Variants in MAP2 observed in about 807,000 individuals in gnomAD.
MAP2 encodes the protein microtubule associated protein 2.
MAP2 carries 14 observed loss-of-function variants against 137.6 expected under a neutral mutation model. The observed-to-expected ratio is 0.10, with a 90% confidence interval of 0.07 to 0.16. MAP2 has a LOEUF of 0.16. Ranked by LOEUF, MAP2 falls within the 10% of genes least tolerant of loss-of-function variation. The pLI, the probability that MAP2 is intolerant of heterozygous loss-of-function variation, is 1.00. For missense variants in MAP2, 2,088 were observed against 2,191.5 expected (o/e 0.95, Z 0.94); for synonymous variants, 786 against 782.3 (o/e 1.00, Z -0.08).
chr2:209,697,973 G>A lies in MAP2; in HGVS notation c.4522+922G>A, dbSNP rs34534060. 0.015 allele frequency among the ~76,000 whole-genome samples: 2,288 copies of A among 151,542 alleles called. 124 individuals are homozygous for A. In the South Asian group the frequency reaches 0.21, roughly 14 times the overall value. On this transcript the variant is annotated intron_variant, in intron 10 of 15. Transcript: ENST00000682079. Reference sequence around the variant, plus strand: ...AAGCAGTTCTTCTGCCTCAGCCTCCGGAGTAGCTGGGATTACAGGCGTGCA... The same window carrying A: ...AAGCAGTTCTTCTGCCTCAGCCTCCAGAGTAGCTGGGATTACAGGCGTGCA...
At chr2:209,526,014 T>A (rs572470953) in intron 2 of MAP2, among the ~76,000 whole-genome samples, 2 of 152,280 alleles carry the variant, frequency 1.3e-5, no homozygotes, top group South Asian at 4.1e-4. Context: ...TTTTGTGTTT[T>A]TCATTTTGTC....
intron 3 of MAP2, among the ~76,000 whole-genome samples, chr2:209,593,985 C>T (rs1452074285): frequency 7.8e-6 from 1 of 127,522 alleles, no homozygotes; most frequent in Non-Finnish European, 1.7e-5. Context: ...TATATATATA[C>T]ACACACACAC....
intron 7 of MAP2, among the ~76,000 whole-genome samples, chr2:209,687,041 A>G (rs148414890): frequency 6.6e-6 from 1 of 151,912 alleles, no homozygotes; most frequent in Non-Finnish European, 1.5e-5. Flanking sequence ...TCTAGGTACT[A>G]CATTAGCCTT....
intron 5 of MAP2, among the ~76,000 whole-genome samples, chr2:209,671,907 T>A (rs1336201791): frequency 1.3e-5 from 2 of 151,896 alleles, no homozygotes; most frequent in Non-Finnish European, 2.9e-5. Context: ...CAATGTTACA[T>A]ATCACTCAGA....
chr2:209,433,331 G>A (rs1381653414), intron 1 of MAP2, among the ~76,000 whole-genome samples: 1 of 152,060 alleles, frequency 6.6e-6, no homozygotes, highest in Non-Finnish European at 1.5e-5. Context: ...GTAGTACCCG[G>A]AGGAAAAGCT....
intron 2 of MAP2, among the ~76,000 whole-genome samples, chr2:209,528,901 TAC>T (rs529322609): frequency 2.8e-4 from 42 of 150,934 alleles, no homozygotes; most frequent in Admixed American, 2.0e-3. Context: ...TACATATATA[TAC>T]ACACATATAT....
chr2:209,459,732 T>A (rs1340254675), intron 1 of MAP2, among the ~76,000 whole-genome samples: 1 of 152,256 alleles, frequency 6.6e-6, no homozygotes, highest in African/African-American at 2.4e-5. Flanking sequence ...TGATGTGCAC[T>A]GCCTACCAGG....
chr2:209,610,508 G>T (rs555412236), intron 3 of MAP2, among the ~76,000 whole-genome samples: 50 of 151,646 alleles, frequency 3.3e-4, no homozygotes, highest in African/African-American at 1.2e-3. Flanking sequence ...TGGATGATAC[G>T]TTATCTTTTC....
At chr2:209,603,090 A>C (rs1361595430) in intron 3 of MAP2, among the ~76,000 whole-genome samples, 1 of 152,162 alleles carries the variant, frequency 6.6e-6, no homozygotes, top group Non-Finnish European at 1.5e-5. Context: ...GTGCACAGCC[A>C]TGTTTTCATT....
At chr2:209,429,251 C>T (rs1468269715) in intron 1 of MAP2, among the ~76,000 whole-genome samples, 1 of 152,260 alleles carries the variant, frequency 6.6e-6, no homozygotes, top group Middle Eastern at 3.4e-3. Context: ...CCGTGCCCGG[C>T]AATTACTTTA....
At chr2:209,437,060 A>C (rs1345249400) in intron 1 of MAP2, among the ~76,000 whole-genome samples, 1 of 151,718 alleles carries the variant, frequency 6.6e-6, no homozygotes, top group Non-Finnish European at 1.5e-5. Context: ...CTATCAAATT[A>C]GGACAGATTG....
intron 2 of MAP2, among the ~76,000 whole-genome samples, chr2:209,511,498 G>A (rs2061712672): frequency 6.6e-6 from 1 of 152,242 alleles, no homozygotes; most frequent in East Asian, 1.9e-4. Flanking sequence ...TGGTGGCATT[G>A]GTTGAAGCAC....
At chr2:209,497,262 C>T (rs993059038) in intron 1 of MAP2, among the ~76,000 whole-genome samples, 2 of 152,144 alleles carry the variant, frequency 1.3e-5, no homozygotes, top group Non-Finnish European at 2.9e-5. Flanking sequence ...TTGGTGGCCT[C>T]ATAAGAAGAG....
chr2:209,585,284 C>G (rs1579217304), intron 3 of MAP2, among the ~76,000 whole-genome samples: 1 of 148,780 alleles, frequency 6.7e-6, no homozygotes, highest in South Asian at 2.1e-4. Flanking sequence ...AAGAAGAGGA[C>G]AGGGAAGGTT....
chr2:209,463,142 G>T (rs1187230362), intron 1 of MAP2, among the ~76,000 whole-genome samples: 1 of 152,086 alleles, frequency 6.6e-6, no homozygotes, highest in Non-Finnish European at 1.5e-5. Context: ...ATGAGAAAAG[G>T]CAGGAAGAGA....
intron 4 of MAP2, among the ~76,000 whole-genome samples, chr2:209,626,141 G>A (rs1483482841): frequency 6.6e-6 from 1 of 152,036 alleles, no homozygotes; most frequent in Non-Finnish European, 1.5e-5. Context: ...TTATAGGCCG[G>A]GTGTGGTGGC....
intron 2 of MAP2, among the ~76,000 whole-genome samples, chr2:209,556,745 A>G (rs111338296): frequency 0.02 from 2,982 of 152,140 alleles, 96 homozygotes; most frequent in African/African-American, 0.068. Context: ...GTAATCTGAC[A>G]TAAAACCATT....
intron 5 of MAP2, among the ~76,000 whole-genome samples, chr2:209,675,940 A>G (rs2051192518): frequency 1.3e-5 from 2 of 151,900 alleles, no homozygotes; most frequent in African/African-American, 4.8e-5. Context: ...TTTAGGTTTT[A>G]AGGTTACTAA....
At chr2:209,497,858 A>G (rs2059935059) in intron 1 of MAP2, among the ~76,000 whole-genome samples, 1 of 152,156 alleles carries the variant, frequency 6.6e-6, no homozygotes, top group South Asian at 2.1e-4. Context: ...CACCTCCAGC[A>G]CTGGGGATTA....
Sources: gnomAD v4.1 joint callset for allele counts (sites outside exome capture counted in the v4.1 genomes callset) on GRCh38, gnomAD v4.1.1 for gene constraint, MANE v1.5 for transcripts, NCBI Gene and HGNC (gene_info 2026-07-23, HGNC 2026-07-21) for gene names.